The following INPP4B variants were observed in gnomAD, a reference collection of about 807,000 sequenced individuals.
INPP4B encodes inositol polyphosphate 4-phosphatase type II.
In INPP4B, 55 loss-of-function variants were observed where a neutral mutation model predicts 122.5. The ratio of observed to expected loss-of-function variants is 0.45; its 90% CI spans 0.36 to 0.56. INPP4B has a LOEUF of 0.56. Among genes scored for constraint, INPP4B ranks in the 20% least tolerant of loss-of-function variants. The pLI, the probability that INPP4B is intolerant of heterozygous loss-of-function variation, is 0.00. For missense variants in INPP4B, 1,000 were observed against 1,097.7 expected, an observed-to-expected ratio of 0.91 and a Z score of 1.26; for synonymous variants, 403 against 388.7, an observed-to-expected ratio of 1.04 and a Z score of -0.43.
intron 1 of INPP4B, among the ~76,000 whole-genome samples, chr4:142,737,276 G>A (rs1767091280): frequency 6.6e-6 from 1 of 152,094 alleles, no homozygotes; most frequent in Non-Finnish European, 1.5e-5. Context: ...ATAGACCAAT[G>A]GAACAGAACA....
intron 3 of INPP4B, among the ~76,000 whole-genome samples, chr4:142,446,242 A>C (rs1812888290): frequency 6.6e-6 from 1 of 151,866 alleles, no homozygotes; most frequent in Non-Finnish European, 1.5e-5. Flanking sequence ...AAAAACTATC[A>C]ATATATAAAA....
At chr4:142,522,289 A>T (rs1347284344) in intron 2 of INPP4B, among the ~76,000 whole-genome samples, 1 of 151,668 alleles carries the variant, frequency 6.6e-6, no homozygotes, top group Non-Finnish European at 1.5e-5. Flanking sequence ...CTATTGTGTC[A>T]TGTAGACATT....
chr4:142,606,714 G>T (rs529942007), intron 2 of INPP4B, among the ~76,000 whole-genome samples: 1 of 152,116 alleles, frequency 6.6e-6, no homozygotes, highest in Admixed American at 6.6e-5. Context: ...AAAATTCCAT[G>T]AGGAAGCTGC....
chr4:142,398,546 A>G (rs936657717), intron 7 of INPP4B, among the ~76,000 whole-genome samples: 15 of 149,714 alleles, frequency 1.0e-4, no homozygotes, highest in Admixed American at 7.3e-4. Context: ...AAGAAAGCCA[A>G]CTATCAGAAT....
At chr4:142,625,612 C>T (rs1440473166) in intron 2 of INPP4B, among the ~76,000 whole-genome samples, 1 of 151,936 alleles carries the variant, frequency 6.6e-6, no homozygotes, top group Non-Finnish European at 1.5e-5. Flanking sequence ...TGACTTTCTT[C>T]ACAGAATTGG....
intron 25 of INPP4B, among the ~76,000 whole-genome samples, chr4:142,038,469 A>G (rs1351448394): frequency 6.6e-6 from 1 of 152,234 alleles, no homozygotes; most frequent in African/African-American, 2.4e-5. Context: ...CAAGTTTGCT[A>G]CAAAAGAAAG....
intron 2 of INPP4B, among the ~76,000 whole-genome samples, chr4:142,540,031 C>CT (rs1271160163): frequency 2.0e-5 from 3 of 151,990 alleles, no homozygotes; most frequent in African/African-American, 4.8e-5. Flanking sequence ...CTCCAAATCA[C>CT]TTTTTTAGGG....
intron 7 of INPP4B, among the ~76,000 whole-genome samples, chr4:142,345,188 T>C (rs1387271453): frequency 2.6e-5 from 4 of 152,020 alleles, no homozygotes; most frequent in Admixed American, 2.6e-4. Flanking sequence ...GAAGAATCTA[T>C]GCATTACAGG....
intron 14 of INPP4B, among the ~76,000 whole-genome samples, chr4:142,202,949 CT>C (rs1841303384): frequency 6.6e-6 from 1 of 152,012 alleles, no homozygotes; most frequent in African/African-American, 2.4e-5. Context: ...TACTGTATGT[CT>C]GATTTTTCTT....
intron 15 of INPP4B, among the ~76,000 whole-genome samples, chr4:142,189,812 T>C (rs1437101083): frequency 1.3e-5 from 2 of 152,184 alleles, no homozygotes; most frequent in African/African-American, 4.8e-5. Flanking sequence ...GGCAAAATCA[T>C]GGATGCTTTG....
At chr4:142,209,072 C>A (rs757430981) in intron 12 of INPP4B, 46 bp from the exon 13 acceptor site, 5 of 1,430,740 alleles carry the variant, frequency 3.5e-6, no homozygotes, top group South Asian at 1.3e-5. Context: ...TATCTTAAAT[C>A]CATAAACGCA....
At chr4:142,387,035 G>T (rs1198201428) in intron 7 of INPP4B, among the ~76,000 whole-genome samples, 1 of 152,058 alleles carries the variant, frequency 6.6e-6, no homozygotes, top group Admixed American at 6.6e-5. Context: ...GCAAATTTTT[G>T]TTCCAAACTG....
intron 16 of INPP4B, among the ~76,000 whole-genome samples, chr4:142,168,064 C>T (rs968154191): frequency 2.6e-5 from 4 of 151,312 alleles, no homozygotes; most frequent in African/African-American, 9.7e-5. Context: ...TGTTGGTGAA[C>T]GTCAGAGAAA....
At chr4:142,129,854 A>T (rs1800433553) in intron 18 of INPP4B, among the ~76,000 whole-genome samples, 1 of 151,910 alleles carries the variant, frequency 6.6e-6, no homozygotes, top group Admixed American at 6.6e-5. Flanking sequence ...CTCCTTTTTC[A>T]TGACATCATG....
intron 21 of INPP4B, among the ~76,000 whole-genome samples, chr4:142,119,770 A>C (rs1795643850): frequency 6.6e-6 from 1 of 151,240 alleles, no homozygotes. Flanking sequence ...CATTGTGCAC[A>C]TGTAGCCTAG....
rs149471617 is a variant in INPP4B, at chr4:142,417,913, G to T, written c.136+11260C>A. ...TCAGTCTATTTCTATTATTTCAGTT[G>T]TCTGTTCTTGTTGTTATTTGTATAT... On this transcript the variant is annotated intron_variant, in intron 5 of 25. Transcript: ENST00000262992. 4.6e-3 allele frequency among the ~76,000 whole-genome samples: 694 copies of T among 152,194 alleles called. 3 individuals carry two copies. The highest frequency in any genetic ancestry group is 0.014 in the Middle Eastern group (4 of 294).
chr4:142,663,895 G>A (rs1205571370), intron 2 of INPP4B, among the ~76,000 whole-genome samples: 1 of 152,146 alleles, frequency 6.6e-6, no homozygotes, highest in African/African-American at 2.4e-5. Context: ...AACTCAAGAT[G>A]TATTTTTAAA....
intron 2 of INPP4B, among the ~76,000 whole-genome samples, chr4:142,592,836 C>T (rs994860116): frequency 4.6e-5 from 7 of 152,150 alleles, no homozygotes; most frequent in Non-Finnish European, 8.8e-5. Flanking sequence ...TGCGATGGCT[C>T]ATGCCTGTAA....
At chr4:142,267,459 G>A (rs1287716367) in intron 10 of INPP4B, among the ~76,000 whole-genome samples, 2 of 152,274 alleles carry the variant, frequency 1.3e-5, no homozygotes, top group East Asian at 3.9e-4. Flanking sequence ...AACACAGAAT[G>A]GAGAAAGGGC....
Sources: allele counts gnomAD v4.1 joint callset (sites outside exome capture counted in the v4.1 genomes callset), GRCh38; gene constraint gnomAD v4.1.1; transcripts MANE v1.5; gene names NCBI Gene and HGNC (gene_info 2026-07-23, HGNC 2026-07-21).